Variants in RBMS1 observed in about 807,000 individuals in gnomAD.
RBMS1 encodes the protein RNA binding motif single stranded interacting protein 1.
RBMS1 carries 17 observed loss-of-function variants against 62.3 expected under a neutral mutation model. The observed-to-expected ratio is 0.27, with a 90% CI of 0.19 to 0.41. RBMS1 has a LOEUF of 0.41. Ranked by LOEUF, RBMS1 falls within the 10% of genes least tolerant of loss-of-function variation. RBMS1 has a pLI of 1.00. For missense variants in RBMS1, 334 were observed against 504.5 expected, an observed-to-expected ratio of 0.66 and a Z score of 3.24; for synonymous variants, 172 against 170.0, an observed-to-expected ratio of 1.01 and a Z score of -0.09.
rs973881671 is a variant in RBMS1, at chr2:160,424,371, G to C, written c.76-56980C>G. Among the ~76,000 whole-genome samples the C allele has an allele frequency of 6.0e-5, 9 of 150,768 alleles. 1 individual carries two copies. Among genetic ancestry groups the C allele is most frequent in the African/African-American group, 2.2e-4 (9 of 40,874 alleles). On this transcript the variant is annotated intron_variant, in intron 1 of 13. Coordinates refer to ENST00000348849, the MANE Select transcript of RBMS1 (RefSeq NM_016836.4). ...TAAGCCAGAGGTGAGAGATTGGGGG[G>C]GGGGGGAAACAAAAAGAAAGATGTC...
intron 4 of RBMS1, among the ~76,000 whole-genome samples, chr2:160,312,474 C>G (rs1477056388): frequency 6.6e-6 from 1 of 152,114 alleles, no homozygotes; most frequent in African/African-American, 2.4e-5. Flanking sequence ...TTATAATCCC[C>G]TAACATTCAA....
chr2:160,397,587 T>C (rs1695214870), intron 1 of RBMS1, among the ~76,000 whole-genome samples: 1 of 152,172 alleles, frequency 6.6e-6, no homozygotes, highest in African/African-American at 2.4e-5. Context: ...AAACTCTCTT[T>C]GGCGTCTGAC....
At chr2:160,400,331 G>A (rs1357227871) in intron 1 of RBMS1, among the ~76,000 whole-genome samples, 6 of 129,408 alleles carry the variant, frequency 4.6e-5, no homozygotes, top group South Asian at 2.3e-4. Flanking sequence ...TTTAAAAAAC[G>A]AAAGAAACAA....
intron 9 of RBMS1, chr2:160,282,061 G>T: frequency 2.7e-6 from 1 of 373,416 alleles, no homozygotes; most frequent in Non-Finnish European, 5.1e-6. Flanking sequence ...TGTGTAGTCT[G>T]CCACTCAAGA....
chr2:160,297,269 C>T (rs1300361035), intron 6 of RBMS1, among the ~76,000 whole-genome samples: 1 of 152,098 alleles, frequency 6.6e-6, no homozygotes. Context: ...TCATTACCTC[C>T]CCCTCAAAGC....
intron 1 of RBMS1, 24 bp downstream of exon 1, chr2:160,493,265 C>T (rs1685933953): frequency 6.2e-7 from 1 of 1,609,918 alleles, no homozygotes; most frequent in African/African-American, 1.3e-5. Context: ...CTCCGGCCGT[C>T]ACCTCTCCCC....
At chr2:160,410,694 C>G (rs1008990928) in intron 1 of RBMS1, among the ~76,000 whole-genome samples, 16 of 152,144 alleles carry the variant, frequency 1.1e-4, no homozygotes, top group African/African-American at 3.9e-4. Flanking sequence ...AGAGAGACTG[C>G]AAGTTATCAT....
At chr2:160,348,163 A>G (rs1427374217) in intron 2 of RBMS1, among the ~76,000 whole-genome samples, 1 of 152,104 alleles carries the variant, frequency 6.6e-6, no homozygotes, top group Non-Finnish European at 1.5e-5. Context: ...ATCCACCCCA[A>G]GCCAATACTG....
intron 1 of RBMS1, among the ~76,000 whole-genome samples, chr2:160,398,979 T>C (rs1479063168): frequency 6.6e-6 from 1 of 152,216 alleles, no homozygotes; most frequent in Non-Finnish European, 1.5e-5. Context: ...ACTCAGGCTC[T>C]GCTCTCACCC....
chr2:160,493,019 G>A (rs1422864175), intron 1 of RBMS1: 3 of 395,194 alleles, frequency 7.6e-6, no homozygotes, highest in Non-Finnish European at 1.4e-5. Context: ...CTCCCCGCTG[G>A]CCGGGCCAGG....
chr2:160,298,131 GA>G (rs1689033921), intron 6 of RBMS1, among the ~76,000 whole-genome samples: 1 of 152,172 alleles, frequency 6.6e-6, no homozygotes, highest in South Asian at 2.1e-4. Context: ...GTAGATTCTA[GA>G]AATAATCAGA....
At chr2:160,433,306 T>C (rs1682975714) in intron 1 of RBMS1, among the ~76,000 whole-genome samples, 1 of 151,996 alleles carries the variant, frequency 6.6e-6, no homozygotes, top group Non-Finnish European at 1.5e-5. Context: ...TCTCAGCTAC[T>C]CGGGAGGCTG....
chr2:160,396,535 G>C (rs1024348889), intron 1 of RBMS1, among the ~76,000 whole-genome samples: 19 of 147,012 alleles, frequency 1.3e-4, no homozygotes, highest in Admixed American at 2.1e-4. Context: ...CTCTCCCAGG[G>C]ACTTTTCTTT....
chr2:160,300,575 G>A (rs1044872688), intron 6 of RBMS1, 76 bp downstream of exon 6: 1 of 1,459,778 alleles, frequency 6.9e-7, no homozygotes, highest in African/African-American at 1.5e-5. Context: ...TTGTTCTATT[G>A]AAGAGTCATC....
intron 1 of RBMS1, among the ~76,000 whole-genome samples, chr2:160,480,120 G>C (rs1360848944): frequency 1.3e-5 from 2 of 151,832 alleles, no homozygotes; most frequent in Non-Finnish European, 2.9e-5. Flanking sequence ...AATATCAGGG[G>C]CATATTAAAA....
At chr2:160,390,254 A>G (rs141596924) in intron 1 of RBMS1, among the ~76,000 whole-genome samples, 30 of 152,344 alleles carry the variant, frequency 2.0e-4, no homozygotes, top group African/African-American at 7.2e-4. Flanking sequence ...GAAAAAAAAG[A>G]GATCATCTGC....
chr2:160,414,296 T>G (rs1696136848), intron 1 of RBMS1, among the ~76,000 whole-genome samples: 1 of 152,120 alleles, frequency 6.6e-6, no homozygotes, highest in Non-Finnish European at 1.5e-5. Context: ...TTTAAACCAG[T>G]TTTTTTGTTT....
chr2:160,455,031 A>G (rs1684158884), intron 1 of RBMS1, among the ~76,000 whole-genome samples: 2 of 152,198 alleles, frequency 1.3e-5, no homozygotes, highest in South Asian at 2.1e-4. Context: ...TCTGAATCGT[A>G]TACTTCAGGT....
intron 1 of RBMS1, among the ~76,000 whole-genome samples, chr2:160,468,253 G>A (rs959857703): frequency 6.6e-6 from 1 of 152,140 alleles, no homozygotes; most frequent in African/African-American, 2.4e-5. Context: ...TTATTAGTGG[G>A]TATCCACTAC....
Sources: gnomAD v4.1 joint callset for allele counts (sites outside exome capture counted in the v4.1 genomes callset) on GRCh38, gnomAD v4.1.1 for gene constraint, MANE v1.5 for transcripts, NCBI Gene and HGNC (gene_info 2026-07-23, HGNC 2026-07-21) for gene names.